Variants in NRXN3 observed in about 807,000 individuals in gnomAD.
The protein encoded by NRXN3 is neurexin III.
A neutral mutation model predicts 137.6 loss-of-function variants in NRXN3; 32 were observed. That is an observed-to-expected ratio of 0.23 (90% CI 0.18 to 0.31). The LOEUF is 0.31. Ranked by LOEUF, NRXN3 falls within the 10% of genes least tolerant of loss-of-function variation. The pLI is 1.00. For missense variants in NRXN3, 1,574 were observed against 2,062.5 expected, an observed-to-expected ratio of 0.76 and a Z score of 4.59; for synonymous variants, 798 against 784.5, an observed-to-expected ratio of 1.02 and a Z score of -0.29.
chr14:79,461,814 C>T (rs184975227), intron 15 of NRXN3, among the ~76,000 whole-genome samples: 1 of 152,152 alleles, frequency 6.6e-6, no homozygotes, highest in Non-Finnish European at 1.5e-5. Flanking sequence ...TGTGGATAAG[C>T]TTGTGAAAGA....
chr14:78,508,081 G>A (rs2153786234), intron 4 of NRXN3, among the ~76,000 whole-genome samples: 1 of 152,312 alleles, frequency 6.6e-6, no homozygotes, highest in South Asian at 2.1e-4. Context: ...GGGAGGAAAA[G>A]GTGAATGGGG....
intron 15 of NRXN3, among the ~76,000 whole-genome samples, chr14:79,269,694 A>G (rs914079378): frequency 2.0e-5 from 3 of 152,176 alleles, no homozygotes; most frequent in African/African-American, 7.2e-5. Flanking sequence ...ACAATAGGGT[A>G]AGCAAGCCAG....
At chr14:78,938,703 G>A (rs768885714) in intron 10 of NRXN3, among the ~76,000 whole-genome samples, 19 of 152,008 alleles carry the variant, frequency 1.2e-4, no homozygotes, top group Non-Finnish European at 2.1e-4. Flanking sequence ...TGTGCCTGGA[G>A]CTTCTAAATC....
intron 2 of NRXN3, among the ~76,000 whole-genome samples, chr14:78,249,281 T>A (rs573340999): frequency 9.2e-5 from 14 of 152,286 alleles, no homozygotes; most frequent in Non-Finnish European, 1.3e-4. Context: ...AGGCTGAGGG[T>A]CAGGCAGACA....
At chr14:78,738,204 G>A (rs1015449595) in intron 8 of NRXN3, among the ~76,000 whole-genome samples, 2 of 152,186 alleles carry the variant, frequency 1.3e-5, no homozygotes, top group African/African-American at 2.4e-5. Flanking sequence ...GATTTACTGA[G>A]CATCGACTAT....
intron 15 of NRXN3, among the ~76,000 whole-genome samples, chr14:79,314,683 G>C (rs1349503555): frequency 2.1e-5 from 3 of 140,850 alleles, no homozygotes; most frequent in Non-Finnish European, 3.1e-5. Flanking sequence ...GCTTTGAAGA[G>C]AGCAGTGGTT....
intron 4 of NRXN3, among the ~76,000 whole-genome samples, chr14:78,362,961 T>G (rs2085356262): frequency 6.6e-6 from 1 of 152,022 alleles, no homozygotes; most frequent in Non-Finnish European, 1.5e-5. Context: ...ATGAGAAAAG[T>G]TAGATTGGTT....
chr14:79,772,522 G>A (rs61992368), intron 19 of NRXN3, among the ~76,000 whole-genome samples: 51 of 149,412 alleles, frequency 3.4e-4, no homozygotes, highest in Middle Eastern at 3.2e-3. Flanking sequence ...AACAAGTAAT[G>A]GGGAAAGGAT....
At chr14:79,532,957 C>G (rs2097182162) in intron 16 of NRXN3, among the ~76,000 whole-genome samples, 1 of 152,098 alleles carries the variant, frequency 6.6e-6, no homozygotes, top group Admixed American at 6.6e-5. Flanking sequence ...AACCTAAATT[C>G]TATTCCCAAA....
intron 15 of NRXN3, among the ~76,000 whole-genome samples, chr14:79,239,062 A>C (rs192880310): frequency 6.6e-6 from 1 of 152,238 alleles, no homozygotes; most frequent in East Asian, 1.9e-4. Flanking sequence ...ACCAAACCCT[A>C]TATATACTAT....
At chr14:79,492,375 CT>C (rs199502226) in intron 16 of NRXN3, among the ~76,000 whole-genome samples, 49 of 147,916 alleles carry the variant, frequency 3.3e-4, no homozygotes, top group African/African-American at 9.9e-4. Context: ...ACGTATCAAT[CT>C]TTTTTTTTTG....
chr14:78,853,618 T>C (rs977453385), intron 10 of NRXN3, among the ~76,000 whole-genome samples: 1 of 152,210 alleles, frequency 6.6e-6, no homozygotes, highest in Non-Finnish European at 1.5e-5. Flanking sequence ...ATACGTGTAT[T>C]ACATTCAATG....
chr14:79,317,041 G>A (rs1360629128), intron 15 of NRXN3, among the ~76,000 whole-genome samples: 1 of 151,958 alleles, frequency 6.6e-6, no homozygotes, highest in Non-Finnish European at 1.5e-5. Context: ...GACCAGCCTG[G>A]CTGACGTGGT....
At chr14:79,539,918 G>A (rs981217968) in intron 16 of NRXN3, among the ~76,000 whole-genome samples, 5 of 152,012 alleles carry the variant, frequency 3.3e-5, no homozygotes, top group South Asian at 2.1e-4. Context: ...TTACCTCGTC[G>A]TCTTGCTATT....
At chr14:79,192,481 A>G (rs893262268) in intron 15 of NRXN3, among the ~76,000 whole-genome samples, 1 of 152,206 alleles carries the variant, frequency 6.6e-6, no homozygotes, top group Non-Finnish European at 1.5e-5. Context: ...TATTTTAGGC[A>G]TATTTTCCAG....
At chr14:79,203,447 T>C (rs1012840991) in intron 15 of NRXN3, among the ~76,000 whole-genome samples, 1 of 152,192 alleles carries the variant, frequency 6.6e-6, no homozygotes, top group Non-Finnish European at 1.5e-5. Context: ...ATTAGGGCTG[T>C]ACAGAGTATA....
chr14:79,392,834 G>T (rs1357633438), intron 15 of NRXN3, among the ~76,000 whole-genome samples: 1 of 151,870 alleles, frequency 6.6e-6, no homozygotes, highest in Admixed American at 6.6e-5. Flanking sequence ...GCTGGGTGTG[G>T]TGGCATGCAC....
intron 4 of NRXN3, among the ~76,000 whole-genome samples, chr14:78,428,205 G>T (rs934843921): frequency 8.5e-5 from 13 of 152,142 alleles, no homozygotes; most frequent in African/African-American, 1.4e-4. Flanking sequence ...GCAAATAAAA[G>T]AATCAAGAAT....
chr14:78,925,328 CA>C (rs1310685359), intron 10 of NRXN3, among the ~76,000 whole-genome samples: 6 of 152,120 alleles, frequency 3.9e-5, no homozygotes, highest in Non-Finnish European at 7.4e-5. Context: ...CCATGGAGAA[CA>C]TTTATTACAT....
Sources: gnomAD v4.1 joint callset for allele counts (sites outside exome capture counted in the v4.1 genomes callset) on GRCh38, gnomAD v4.1.1 for gene constraint, MANE v1.5 for transcripts, NCBI Gene and HGNC (gene_info 2026-07-23, HGNC 2026-07-21) for gene names.